PNLIPRP3: variants seen among roughly 807,000 people sequenced by gnomAD.
PNLIPRP3 encodes the protein pancreatic lipase related protein 3.
PNLIPRP3 carries 58 observed loss-of-function variants against 52.8 expected under a neutral mutation model. The ratio of observed to expected loss-of-function variants is 1.10; its 90% CI spans 0.89 to 1.37. The LOEUF (loss-of-function observed/expected upper bound fraction) is 1.37, where lower values mean the gene tolerates loss of function less well. PNLIPRP3 is among the 40% of genes most tolerant of loss of function. PNLIPRP3 has a pLI of 0.00. For missense variants in PNLIPRP3, 593 were observed against 561.6 expected, an observed-to-expected ratio of 1.06 and a Z score of -0.57; for synonymous variants, 192 against 185.0, an observed-to-expected ratio of 1.04 and a Z score of -0.31.
intron 1 of PNLIPRP3, among the ~76,000 whole-genome samples, chr10:116,429,359 C>T (rs961883500): frequency 3.3e-5 from 5 of 152,188 alleles, no homozygotes; most frequent in Admixed American, 3.3e-4. Flanking sequence ...TGGTCCCAAG[C>T]GTTTTGGATA....
intron 4 of PNLIPRP3, among the ~76,000 whole-genome samples, chr10:116,453,698 G>C (rs1223369925): frequency 2.6e-5 from 4 of 151,996 alleles, no homozygotes; most frequent in Non-Finnish European, 5.9e-5. Context: ...TTTTACTCCT[G>C]CTCTCACTCT....
chr10:116,457,351 T>A (rs11197685), intron 5 of PNLIPRP3, among the ~76,000 whole-genome samples: 106,419 of 150,510 alleles, frequency 0.71, 39,511 homozygotes, highest in Middle Eastern at 0.85. Context: ...TGCATGTGTG[T>A]GTACGTGCTC....
At position 116,477,731 on chromosome 10, in the gene PNLIPRP3, T is replaced by C. The variant is rs1236136456; in HGVS notation, c.*578T>C. 2 of 152,152 alleles carry C rather than the reference T, an allele frequency of 1.3e-5. No homozygotes were observed. The highest frequency in any genetic ancestry group is 3.9e-4 in the East Asian group (2 of 5,166). The allele number at this position is 152,152 out of a possible 1,614,324, so 9.4% of individuals were successfully genotyped here. On this transcript the variant is annotated 3_prime_UTR_variant, in exon 12 of 12. Coordinates refer to ENST00000369230, the MANE Select transcript of PNLIPRP3 (RefSeq NM_001011709.3). ...TGTTCAGGGTGTGCACAAGAGAGATTTTGGAGCTTATCTGTTATGTGTTCA... is the reference window on the plus strand; with the variant it reads ...TGTTCAGGGTGTGCACAAGAGAGATCTTGGAGCTTATCTGTTATGTGTTCA...
chr10:116,430,120 C>G (rs146747429), intron 1 of PNLIPRP3, among the ~76,000 whole-genome samples: 1 of 152,190 alleles, frequency 6.6e-6, no homozygotes, highest in East Asian at 1.9e-4. Context: ...TTTGCCTTTG[C>G]GAGAAACAAA....
At chr10:116,451,903 G>A (rs1846045243) in intron 4 of PNLIPRP3, among the ~76,000 whole-genome samples, 1 of 152,236 alleles carries the variant, frequency 6.6e-6, no homozygotes, top group Non-Finnish European at 1.5e-5. Context: ...ATGTGGAAGT[G>A]ATTTTGGAGC....
chr10:116,439,288 T>G (rs975153094), intron 2 of PNLIPRP3, among the ~76,000 whole-genome samples: 4 of 152,212 alleles, frequency 2.6e-5, no homozygotes, highest in African/African-American at 9.6e-5. Context: ...GGCCACTTCT[T>G]GTAAACCACT....
intron 8 of PNLIPRP3, among the ~76,000 whole-genome samples, 170 bp downstream of exon 8, chr10:116,466,338 A>T (rs1846282463): frequency 6.6e-6 from 1 of 152,216 alleles, no homozygotes; most frequent in Admixed American, 6.5e-5. Context: ...GGATTGCTGG[A>T]GGGTTGAAAT....
At chr10:116,453,949 C>T (rs1420884478) in intron 4 of PNLIPRP3, among the ~76,000 whole-genome samples, 1 of 152,078 alleles carries the variant, frequency 6.6e-6, no homozygotes, top group African/African-American at 2.4e-5. Flanking sequence ...CCCCCACCCC[C>T]AACAGGCCGC....
At chr10:116,449,561 C>T (rs934311945) in intron 4 of PNLIPRP3, among the ~76,000 whole-genome samples, 1 of 152,040 alleles carries the variant, frequency 6.6e-6, no homozygotes. Flanking sequence ...TATATATACA[C>T]CCAACACCAG....
intron 4 of PNLIPRP3, among the ~76,000 whole-genome samples, chr10:116,452,625 G>A (rs1846054994): frequency 6.6e-6 from 1 of 152,202 alleles, no homozygotes; most frequent in Admixed American, 6.5e-5. Flanking sequence ...ACTGCTCCCT[G>A]CATCCCAGCT....
intron 1 of PNLIPRP3, among the ~76,000 whole-genome samples, chr10:116,430,348 G>C (rs940567462): frequency 1.3e-5 from 2 of 152,196 alleles, no homozygotes; most frequent in Non-Finnish European, 2.9e-5. Flanking sequence ...AGGAGTCTGG[G>C]AAAATGAAGG....
At chr10:116,428,632 T>C (rs1845669105) in intron 1 of PNLIPRP3, among the ~76,000 whole-genome samples, 1 of 152,178 alleles carries the variant, frequency 6.6e-6, no homozygotes, top group Non-Finnish European at 1.5e-5. Context: ...TCAGTATTCA[T>C]TGACATGTTT....
chr10:116,461,109 C>A (rs1163140614), intron 6 of PNLIPRP3, 24 bp downstream of exon 6: 1 of 1,614,000 alleles, frequency 6.2e-7, no homozygotes, highest in African/African-American at 1.3e-5. Context: ...GAATCAGAAA[C>A]TTCATTGAAG....
intron 9 of PNLIPRP3, among the ~76,000 whole-genome samples, chr10:116,470,513 A>AT (rs1440696525): frequency 0.012 from 510 of 42,406 alleles, 3 homozygotes; most frequent in East Asian, 0.033. Context: ...ATATATATAT[A>AT]ATTTTTTTTT....
At chr10:116,444,244 G>T (rs1374919025) in intron 3 of PNLIPRP3, 138 bp from the exon 4 acceptor site, 1 of 684,962 alleles carries the variant, frequency 1.5e-6, no homozygotes, top group African/African-American at 1.8e-5. Context: ...TACAAATCAA[G>T]ATAAGATTTG....
chr10:116,453,847 C>T (rs1287794698), intron 4 of PNLIPRP3, among the ~76,000 whole-genome samples: 1 of 152,082 alleles, frequency 6.6e-6, no homozygotes, highest in Admixed American at 6.5e-5. Flanking sequence ...TATAGACGTG[C>T]CGTGATGGTT....
intron 4 of PNLIPRP3, among the ~76,000 whole-genome samples, chr10:116,448,087 G>A (rs543525815): frequency 6.6e-6 from 1 of 152,024 alleles, no homozygotes; most frequent in South Asian, 2.1e-4. Flanking sequence ...GGGAAAGTAT[G>A]TGGAAATATA....
intron 7 of PNLIPRP3, among the ~76,000 whole-genome samples, chr10:116,463,608 G>A (rs1444474213): frequency 6.6e-6 from 1 of 152,154 alleles, no homozygotes. Flanking sequence ...AGCCTGTAAT[G>A]GGGCAGGGGT....
chr10:116,432,964 A>G (rs997905977), intron 1 of PNLIPRP3, among the ~76,000 whole-genome samples: 1 of 151,756 alleles, frequency 6.6e-6, no homozygotes, highest in African/African-American at 2.4e-5. Flanking sequence ...AATACAAAAA[A>G]TTAGCCAGGT....
Sources: allele counts gnomAD v4.1 joint callset (sites outside exome capture counted in the v4.1 genomes callset), GRCh38; gene constraint gnomAD v4.1.1; transcripts MANE v1.5; gene names NCBI Gene and HGNC (gene_info 2026-07-23, HGNC 2026-07-21).